FOXP1: variants seen among roughly 807,000 people sequenced by gnomAD.
FOXP1 encodes the protein forkhead box protein P1.
A neutral mutation model predicts 98.2 loss-of-function variants in FOXP1; 15 were observed. That is an observed-to-expected ratio of 0.15 (90% confidence interval 0.10 to 0.24). FOXP1 has a LOEUF of 0.24. Ranked by LOEUF, FOXP1 falls within the 10% of genes least tolerant of loss-of-function variation. FOXP1 has a pLI of 1.00. For synonymous variants in FOXP1, 371 were observed against 314.5 expected (o/e 1.18, Z -1.90); for missense variants, 633 against 848.5 (o/e 0.75, Z 3.15).
At chr3:71,191,499 T>G (rs1321381043) in intron 6 of FOXP1, among the ~76,000 whole-genome samples, 1 of 152,228 alleles carries the variant, frequency 6.6e-6, no homozygotes, top group Admixed American at 6.5e-5. Flanking sequence ...CATTCTCCTC[T>G]GTTACAGGTC....
At chr3:71,226,222 C>G (rs367750096) in intron 5 of FOXP1, among the ~76,000 whole-genome samples, 9 of 152,342 alleles carry the variant, frequency 5.9e-5, no homozygotes, top group African/African-American at 1.9e-4. Context: ...AGAGCTAACT[C>G]AAGTCCCTCT....
chr3:71,541,875 G>C, intron 2 of FOXP1: 1 of 444,018 alleles, frequency 2.3e-6, no homozygotes, highest in Non-Finnish European at 4.5e-6. Flanking sequence ...TTATTCAGAC[G>C]GTCTTGCCTA....
chr3:70,982,548 T>C (rs1325348850), intron 14 of FOXP1, among the ~76,000 whole-genome samples: 1 of 152,214 alleles, frequency 6.6e-6, no homozygotes, highest in African/African-American at 2.4e-5. Context: ...TCTTTGAAAC[T>C]CTGGCCAAAA....
At chr3:70,959,917 T>A (rs536627354) in intron 20 of FOXP1, among the ~76,000 whole-genome samples, 7 of 152,174 alleles carry the variant, frequency 4.6e-5, no homozygotes, top group Non-Finnish European at 8.8e-5. Context: ...GGTCCCGTAG[T>A]GGCATCCTGG....
intron 5 of FOXP1, among the ~76,000 whole-genome samples, chr3:71,217,682 T>G (rs1054508502): frequency 5.3e-5 from 8 of 151,390 alleles, no homozygotes; most frequent in Non-Finnish European, 1.0e-4. Flanking sequence ...AAGACTGGAG[T>G]TGGAACCCTA....
At chr3:71,476,001 A>G (rs1383830754) in intron 3 of FOXP1, among the ~76,000 whole-genome samples, 3 of 152,152 alleles carry the variant, frequency 2.0e-5, no homozygotes, top group Non-Finnish European at 1.5e-5. Flanking sequence ...CTAATGGTAT[A>G]CACATTCTGG....
Position 71,077,506 on chromosome 3 carries a change from T to G in FOXP1, c.283-23733A>C, listed in dbSNP as rs116538482. On this transcript the variant is annotated intron_variant, in intron 7 of 20. Coordinates refer to ENST00000649528, the MANE Select transcript of FOXP1 (RefSeq NM_001349338.3). ...CTCTGTTAGGCAAAATTATCCTTTT[T>G]AACAGGAACGCACATACACACGAGG... Among the ~76,000 whole-genome samples the G allele has an allele frequency of 2.7e-3, 416 of 152,290 alleles. 9 individuals are homozygous for G. Among genetic ancestry groups the G allele is most frequent in the Non-Finnish European group, 3.3e-3 (227 of 68,020 alleles).
intron 2 of FOXP1, among the ~76,000 whole-genome samples, chr3:71,520,782 G>T (rs139170428): frequency 1.3e-5 from 2 of 152,140 alleles, no homozygotes; most frequent in Non-Finnish European, 2.9e-5. Flanking sequence ...TGAAATTTTC[G>T]TGACATTTAT....
intron 3 of FOXP1, among the ~76,000 whole-genome samples, chr3:71,475,763 A>G (rs932594878): frequency 1.3e-5 from 2 of 151,994 alleles, no homozygotes; most frequent in African/African-American, 4.8e-5. Flanking sequence ...AATCGATTGA[A>G]CCCGGGAGGC....
At chr3:71,170,395 A>G (rs904101254) in intron 6 of FOXP1, among the ~76,000 whole-genome samples, 14 of 152,222 alleles carry the variant, frequency 9.2e-5, no homozygotes, top group African/African-American at 2.4e-4. Context: ...GGTCATGTCG[A>G]CAACAGCTTG....
intron 2 of FOXP1, among the ~76,000 whole-genome samples, chr3:71,540,117 T>C (rs945695927): frequency 1.3e-5 from 2 of 152,232 alleles, no homozygotes; most frequent in Non-Finnish European, 2.9e-5. Context: ...ATTGAAGATA[T>C]TACTGACGAT....
At chr3:70,976,695 A>C (rs2037618600) in intron 17 of FOXP1, among the ~76,000 whole-genome samples, 1 of 152,152 alleles carries the variant, frequency 6.6e-6, no homozygotes, top group South Asian at 2.1e-4. Flanking sequence ...TATTCCAACC[A>C]GAGAGAGATC....
At chr3:71,164,934 T>C (rs1321669617) in intron 6 of FOXP1, among the ~76,000 whole-genome samples, 1 of 152,234 alleles carries the variant, frequency 6.6e-6, no homozygotes, top group Non-Finnish European at 1.5e-5. Flanking sequence ...GTAGTTAAGA[T>C]GACCAGAGTT....
intron 3 of FOXP1, among the ~76,000 whole-genome samples, chr3:71,464,972 AC>A (rs1410749805): frequency 2.0e-5 from 3 of 152,058 alleles, no homozygotes; most frequent in Non-Finnish European, 1.5e-5. Flanking sequence ...AGGGTTTTCT[AC>A]CATGTGTGGA....
intron 5 of FOXP1, among the ~76,000 whole-genome samples, chr3:71,275,167 C>T (rs935502157): frequency 6.6e-6 from 1 of 152,194 alleles, no homozygotes; most frequent in African/African-American, 2.4e-5. Context: ...TCTATTTACC[C>T]ACTTGGTCAC....
chr3:71,042,415 C>T (rs901609199), intron 10 of FOXP1, among the ~76,000 whole-genome samples: 12 of 152,100 alleles, frequency 7.9e-5, no homozygotes, highest in Non-Finnish European at 1.3e-4. Flanking sequence ...ATCCTGCTGG[C>T]ATGCCTCTGT....
At chr3:71,297,433 G>A (rs2073410194) in intron 5 of FOXP1, among the ~76,000 whole-genome samples, 1 of 149,720 alleles carries the variant, frequency 6.7e-6, no homozygotes, top group Admixed American at 6.7e-5. Flanking sequence ...GTGAAAGAAC[G>A]GACATTATAA....
chr3:71,250,579 A>G (rs755062815), intron 5 of FOXP1, among the ~76,000 whole-genome samples: 2 of 152,228 alleles, frequency 1.3e-5, no homozygotes, highest in Non-Finnish European at 2.9e-5. Flanking sequence ...AAAATTCTTC[A>G]TATTCATTAA....
chr3:71,300,045 C>G (rs1199375149), intron 4 of FOXP1, among the ~76,000 whole-genome samples, 165 bp from the exon 5 acceptor site: 1 of 152,162 alleles, frequency 6.6e-6, no homozygotes, highest in African/African-American at 2.4e-5. Flanking sequence ...CTTATCTGGA[C>G]CATATGCCTT....
Sources: gnomAD v4.1 joint callset for allele counts (sites outside exome capture counted in the v4.1 genomes callset) on GRCh38, gnomAD v4.1.1 for gene constraint, MANE v1.5 for transcripts, NCBI Gene and HGNC (gene_info 2026-07-23, HGNC 2026-07-21) for gene names.